Variants in PLD1 observed in about 807,000 individuals in gnomAD.
PLD1 encodes the protein choline phosphatase 1.
A neutral mutation model predicts 137.1 loss-of-function variants in PLD1; 112 were observed. That is an observed-to-expected ratio of 0.82 (90% CI 0.70 to 0.96). PLD1 has a LOEUF of 0.96. Among genes scored for constraint, PLD1 ranks in the 40% least tolerant of loss-of-function variants. The pLI is 0.00. For synonymous variants in PLD1, 431 were observed against 454.7 expected (o/e 0.95, Z 0.66); for missense variants, 1,321 against 1,342.0 (o/e 0.98, Z 0.24).
intron 23 of PLD1, among the ~76,000 whole-genome samples, chr3:171,639,005 G>C (rs1363758295): frequency 6.6e-6 from 1 of 151,756 alleles, no homozygotes; most frequent in Admixed American, 6.6e-5. Flanking sequence ...TAACACCATT[G>C]GCTCCTCTGA....
At chr3:171,726,183 C>A in intron 6 of PLD1, 107 bp from the exon 7 acceptor site, 1 of 720,752 alleles carries the variant, frequency 1.4e-6, no homozygotes, top group South Asian at 1.5e-5. Flanking sequence ...TTGGTGTGCT[C>A]CACAGACTAC....
chr3:171,688,772 G>A lies in PLD1; in HGVS notation c.1443C>T (p.Asp481=). ...TGTCGTCCCACCTTCCATAGGCCAG[G>A]TCAATCCCTCCCACAAAGGCCACCG... ...DQSVAFVGGI[D]LAYGRWDDNE... Residue 481 remains aspartate, a synonymous_variant, in exon 14 of 27, where the codon GAC becomes GAT. Coordinates refer to ENST00000351298, the MANE Select transcript of PLD1 (RefSeq NM_002662.5). 1 of 1,614,010 alleles carries A rather than the reference G, an allele frequency of 6.2e-7. No homozygotes were observed. Among genetic ancestry groups the A allele is most frequent in the Non-Finnish European group, 8.5e-7 (1 of 1,179,940 alleles).
intron 24 of PLD1, among the ~76,000 whole-genome samples, chr3:171,615,764 A>G (rs1312019834): frequency 6.6e-6 from 1 of 152,136 alleles, no homozygotes; most frequent in Non-Finnish European, 1.5e-5. Context: ...TTATTCTGCT[A>G]TTGATGGATG....
intron 1 of PLD1, among the ~76,000 whole-genome samples, chr3:171,745,671 G>C (rs1021765539): frequency 2.6e-5 from 4 of 152,228 alleles, no homozygotes; most frequent in Non-Finnish European, 5.9e-5. Flanking sequence ...GTACATCAGG[G>C]GGGTAAGAGG....
chr3:171,802,056 T>C (rs1364000078), intron 1 of PLD1, among the ~76,000 whole-genome samples: 1 of 152,188 alleles, frequency 6.6e-6, no homozygotes, highest in East Asian at 1.9e-4. Context: ...ATCATTGTCA[T>C]AAAAACAGCA....
intron 10 of PLD1, 90 bp downstream of exon 10, chr3:171,709,470 A>C (rs1560238395): frequency 9.3e-7 from 1 of 1,072,510 alleles, no homozygotes; most frequent in African/African-American, 1.6e-5. Flanking sequence ...AATCTTTCAC[A>C]GTTTTGAAAA....
chr3:171,661,413 T>G (rs1711510896), intron 20 of PLD1, among the ~76,000 whole-genome samples: 1 of 152,066 alleles, frequency 6.6e-6, no homozygotes, highest in Admixed American at 6.5e-5. Flanking sequence ...TTTCTCAGGG[T>G]TTTTCAAGTT....
intron 7 of PLD1, among the ~76,000 whole-genome samples, 182 bp from the exon 8 acceptor site, chr3:171,724,970 CCTAAAATACA>C (rs1718397204): frequency 6.6e-6 from 1 of 152,100 alleles, no homozygotes; most frequent in African/African-American, 2.4e-5. Context: ...AGAGGCGAAC[CCTAAAATACA>C]CTGGTGAGAT....
At chr3:171,769,807 T>C (rs979653684) in intron 1 of PLD1, among the ~76,000 whole-genome samples, 6 of 152,104 alleles carry the variant, frequency 3.9e-5, no homozygotes, top group Admixed American at 2.0e-4. Flanking sequence ...GAGAAGAACA[T>C]GAAAGAACAG....
chr3:171,726,446 G>A (rs777629245), intron 6 of PLD1, among the ~76,000 whole-genome samples: 2 of 152,210 alleles, frequency 1.3e-5, no homozygotes, highest in African/African-American at 4.8e-5. Context: ...AAGAATGTGA[G>A]AAGCAAGTGA....
chr3:171,699,712 A>T (rs191761988), intron 12 of PLD1, 33 bp downstream of exon 12: 30 of 1,486,806 alleles, frequency 2.0e-5, no homozygotes, highest in African/African-American at 1.9e-4. Context: ...ACAGTTAAAA[A>T]ATTATATCAG....
rs531520464 is a variant in PLD1 at position 171,796,382 on chromosome 3, G to A, written c.-32+14017C>T. ...TTCATAGTTTATAAAATGGGAGGAA[G>A]AGTAAGTCAACATACTAAGAAAACC... On this transcript the variant is annotated intron_variant, in intron 1 of 26. Coordinates refer to ENST00000351298, the MANE Select transcript of PLD1 (RefSeq NM_002662.5). Among the ~76,000 whole-genome samples the A allele has an allele frequency of 7.9e-5, 12 of 152,298 alleles. No homozygotes were observed. In the South Asian group the frequency reaches 1.5e-3, roughly 18 times the overall value.
intron 12 of PLD1, among the ~76,000 whole-genome samples, chr3:171,698,502 G>C (rs1715954093): frequency 6.6e-6 from 1 of 152,092 alleles, no homozygotes; most frequent in South Asian, 2.1e-4. Context: ...GTAAATGCAT[G>C]GGGAAAAGAT....
chr3:171,711,327 T>C (rs1295015044), intron 9 of PLD1, among the ~76,000 whole-genome samples: 1 of 151,734 alleles, frequency 6.6e-6, no homozygotes, highest in Non-Finnish European at 1.5e-5. Context: ...CGCACCATCA[T>C]GCCTGGCTAA....
rs1254462727 is a variant in PLD1, at chr3:171,724,686, T to C, written c.758+10A>G. 6.5e-7 allele frequency: 1 copy of C among 1,541,812 alleles called. No homozygotes were observed. The highest frequency in any genetic ancestry group is 1.1e-5 in the South Asian group (1 of 89,676). On this transcript the variant is annotated intron_variant, in intron 8 of 26. Transcript: ENST00000351298. ...AAACAAACAAATACACAAAACTCAC[T>C]AATTCCTACCTTTTTGACCATCTGT...
chr3:171,809,874 C>A (rs1243514143), intron 1 of PLD1: 2 of 152,390 alleles, frequency 1.3e-5, no homozygotes, highest in African/African-American at 4.8e-5. Flanking sequence ...ACGGCGGGAG[C>A]CGCGGTCAGC....
chr3:171,728,313 C>A (rs1362842374), intron 6 of PLD1, among the ~76,000 whole-genome samples: 1 of 152,134 alleles, frequency 6.6e-6, no homozygotes, highest in African/African-American at 2.4e-5. Flanking sequence ...AGGACTGTCT[C>A]AAAAACAAAC....
At chr3:171,791,472 C>T (rs1337640514) in intron 1 of PLD1, among the ~76,000 whole-genome samples, 2 of 152,142 alleles carry the variant, frequency 1.3e-5, no homozygotes, top group African/African-American at 4.8e-5. Context: ...CCAGCTCCAG[C>T]TCTATTGTGT....
At chr3:171,620,597 A>C in intron 23 of PLD1, 77 bp from the exon 24 acceptor site, 1 of 809,396 alleles carries the variant, frequency 1.2e-6, no homozygotes, top group Non-Finnish European at 2.0e-6. Context: ...ATTGTTTCTC[A>C]AAACATACTA....
Sources: allele counts gnomAD v4.1 joint callset (sites outside exome capture counted in the v4.1 genomes callset), GRCh38; gene constraint gnomAD v4.1.1; transcripts MANE v1.5; gene names NCBI Gene and HGNC (gene_info 2026-07-23, HGNC 2026-07-21).